Variants in SCN8A observed in about 807,000 individuals in gnomAD.
The protein encoded by SCN8A is sodium voltage-gated channel alpha subunit 8, also known as sodium channel protein type 8 subunit alpha.
A neutral mutation model predicts 184.1 loss-of-function variants in SCN8A; 30 were observed. The observed-to-expected ratio is 0.16, with a 90% confidence interval of 0.12 to 0.22. SCN8A has a LOEUF of 0.22. Ranked by LOEUF, SCN8A falls within the 10% of genes least tolerant of loss-of-function variation. The pLI, the probability that SCN8A is intolerant of heterozygous loss-of-function variation, is 1.00. For synonymous variants in SCN8A, 852 were observed against 907.0 expected (o/e 0.94, Z 1.09); for missense variants, 1,057 against 2,498.9 (o/e 0.42, Z 12.30).
At chr12:51,646,176 C>T (rs1054456000) in intron 1 of SCN8A, among the ~76,000 whole-genome samples, 2 of 152,098 alleles carry the variant, frequency 1.3e-5, no homozygotes, top group Non-Finnish European at 2.9e-5. Context: ...TTAAAAGTCA[C>T]TCTTGGGACA....
Position 51,607,572 on chromosome 12 carries a change from T to C in SCN8A, c.-55+16213T>C, listed in dbSNP as rs1345229755. On this transcript the variant is annotated intron_variant, in intron 1 of 26. Coordinates refer to ENST00000627620, the MANE Select transcript of SCN8A (RefSeq NM_001330260.2). ...TATTGTGTTGGCTGTCAGTTTGTCA[T>C]AGATGGCTTTTATTACATTGAGGTC... 7.9e-5 allele frequency among the ~76,000 whole-genome samples: 12 copies of C among 152,236 alleles called. 1 individual carries two copies. The highest frequency in any genetic ancestry group is 7.2e-4 in the Admixed American group (11 of 15,286).
At chr12:51,657,952 T>C (rs7968414) in intron 1 of SCN8A, among the ~76,000 whole-genome samples, 126,282 of 152,020 alleles carry the variant, frequency 0.83, 53,046 homozygotes, top group East Asian at 0.99. Context: ...ATTCTGTGTT[T>C]TCTATTCTTT....
chr12:51,680,325 A>G (rs994148887), intron 2 of SCN8A, among the ~76,000 whole-genome samples: 2 of 152,192 alleles, frequency 1.3e-5, no homozygotes, highest in African/African-American at 4.8e-5. Flanking sequence ...TCCTTAGTAA[A>G]GCCTTCTGCT....
intron 12 of SCN8A, among the ~76,000 whole-genome samples, chr12:51,739,946 A>G (rs1476785087): frequency 6.6e-6 from 1 of 152,256 alleles, no homozygotes; most frequent in Non-Finnish European, 1.5e-5. Context: ...CATTGTTTCT[A>G]TAGATATTAA....
intron 12 of SCN8A, among the ~76,000 whole-genome samples, chr12:51,733,457 A>G (rs1023158528): frequency 1.3e-5 from 2 of 152,114 alleles, no homozygotes; most frequent in Non-Finnish European, 1.5e-5. Context: ...TTGGTTTGCT[A>G]GTATTTTGTT....
At chr12:51,780,495 C>A (rs1937863944) in intron 20 of SCN8A, among the ~76,000 whole-genome samples, 154 bp from the exon 21 acceptor site, 1 of 144,342 alleles carries the variant, frequency 6.9e-6, no homozygotes, top group Admixed American at 7.2e-5. Flanking sequence ...CTTCCTCTAC[C>A]TGGGGGGCCC....
At chr12:51,674,308 A>G (rs1592370909) in intron 2 of SCN8A, among the ~76,000 whole-genome samples, 2 of 152,114 alleles carry the variant, frequency 1.3e-5, no homozygotes, top group East Asian at 3.9e-4. Flanking sequence ...ATCCAAATTA[A>G]CAGAAATATT....
intron 12 of SCN8A, among the ~76,000 whole-genome samples, chr12:51,730,846 C>T (rs1357821507): frequency 6.6e-6 from 1 of 152,186 alleles, no homozygotes; most frequent in Non-Finnish European, 1.5e-5. Context: ...ACCTCCATCT[C>T]CCCGCTACCC....
intron 6 of SCN8A, among the ~76,000 whole-genome samples, chr12:51,692,732 C>G (rs954462317): frequency 6.6e-6 from 1 of 152,162 alleles, no homozygotes; most frequent in African/African-American, 2.4e-5. Context: ...GTGACTCTGT[C>G]AGAAGTTTTG....
chr12:51,755,077 GGCC>G (rs149956685), intron 14 of SCN8A, among the ~76,000 whole-genome samples: 1,835 of 152,210 alleles, frequency 0.012, 34 homozygotes, highest in African/African-American at 0.04. Context: ...TTTTACCATA[GGCC>G]AGTTGATATA....
chr12:51,597,735 A>G (rs1262745385), intron 1 of SCN8A, among the ~76,000 whole-genome samples: 2 of 152,170 alleles, frequency 1.3e-5, no homozygotes, highest in Non-Finnish European at 1.5e-5. Context: ...TTTAATGTCC[A>G]CTGCAAGCTG....
At chr12:51,736,962 C>T (rs1298362250) in intron 12 of SCN8A, among the ~76,000 whole-genome samples, 1 of 152,214 alleles carries the variant, frequency 6.6e-6, no homozygotes, top group Admixed American at 6.5e-5. Flanking sequence ...TAAAAACATT[C>T]TCAACACCTT....
chr12:51,696,047 T>C (rs1941587277), intron 6 of SCN8A, among the ~76,000 whole-genome samples: 1 of 152,224 alleles, frequency 6.6e-6, no homozygotes, highest in Non-Finnish European at 1.5e-5. Context: ...ATTATTTACT[T>C]ACAAACTCAG....
rs145702447 is a variant in SCN8A at position 51,790,522 on chromosome 12, T to C, written c.4524+20T>C. 13 of 1,534,944 alleles carry C rather than the reference T, an allele frequency of 8.5e-6. No individual in the cohort carries two copies. The African/African-American group carries it at 1.6e-4, about 19-fold the overall frequency. On this transcript the variant is annotated intron_variant, in intron 25 of 26. Transcript: ENST00000627620. ...CCCTTGGTAAGTGCATTGTGCAGGC[T>C]GAGGCCTTGGTGAGAACCCATATAG...
At chr12:51,702,643 T>C in intron 8 of SCN8A, 130 bp from the exon 9 acceptor site, 1 of 732,048 alleles carries the variant, frequency 1.4e-6, no homozygotes, top group South Asian at 5.2e-5. Context: ...TTTGTTGGCC[T>C]GGCTCTATCA....
At chr12:51,776,950 A>G (rs1006024529) in intron 20 of SCN8A, among the ~76,000 whole-genome samples, 1 of 152,196 alleles carries the variant, frequency 6.6e-6, no homozygotes, top group South Asian at 2.1e-4. Flanking sequence ...TTTATTTATA[A>G]TCCATATGAG....
intron 12 of SCN8A, among the ~76,000 whole-genome samples, chr12:51,738,372 A>G (rs979059661): frequency 1.3e-5 from 2 of 152,208 alleles, no homozygotes; most frequent in Non-Finnish European, 1.5e-5. Flanking sequence ...GATATACTTC[A>G]GTGGCTTTAC....
At chr12:51,758,984 A>ATGTGTGTG (rs199584412) in intron 14 of SCN8A, among the ~76,000 whole-genome samples, 23 of 150,096 alleles carry the variant, frequency 1.5e-4, no homozygotes, top group African/African-American at 4.7e-4. Flanking sequence ...ATGTATGTAT[A>ATGTGTGTG]TGTGTGTGTG....
At chr12:51,596,584 G>A (rs1000428866) in intron 1 of SCN8A, among the ~76,000 whole-genome samples, 1 of 152,136 alleles carries the variant, frequency 6.6e-6, no homozygotes, top group African/African-American at 2.4e-5. Flanking sequence ...CTTAGTGAGT[G>A]GGTATAATGA....
Sources: allele counts gnomAD v4.1 joint callset (sites outside exome capture counted in the v4.1 genomes callset), GRCh38; gene constraint gnomAD v4.1.1; transcripts MANE v1.5; gene names NCBI Gene and HGNC (gene_info 2026-07-23, HGNC 2026-07-21).